WDR19: variants seen among roughly 807,000 people sequenced by gnomAD.
The protein encoded by WDR19 is WD repeat-containing protein 19.
A neutral mutation model predicts 180.0 loss-of-function variants in WDR19; 121 were observed. The observed-to-expected ratio is 0.67, with a 90% CI of 0.58 to 0.78. The LOEUF (loss-of-function observed/expected upper bound fraction) is 0.78, where lower values mean the gene tolerates loss of function less well. WDR19 is among the 30% of genes least tolerant of loss of function. The probability of loss-of-function intolerance (pLI) is 0.00; values close to 1 mark genes in which losing one functional copy is unlikely to be tolerated. For synonymous variants in WDR19, 497 were observed against 540.7 expected, an observed-to-expected ratio of 0.92 and a Z score of 1.12; for missense variants, 1,450 against 1,640.7, an observed-to-expected ratio of 0.88 and a Z score of 2.01.
Position 39,256,082 on chromosome 4 carries a change from A to G in WDR19, c.3114+122A>G, listed in dbSNP as rs1330481562. 3 of 686,852 alleles carry G rather than the reference A, an allele frequency of 4.4e-6. No individual in the cohort carries two copies. In the Admixed American group the frequency reaches 7.5e-5, roughly 17 times the overall value. The allele number at this position is 686,852 out of a possible 1,614,324, so 42.5% of individuals were successfully genotyped here. ...TGCCAGTAACTCCCACTCAGATTTG[A>G]AATCTCAGAGCTAACTCTGAAATAT... is the stretch of plus-strand genomic sequence containing the variant. On this transcript the variant is annotated intron_variant, in intron 27 of 36. Coordinates refer to ENST00000399820, the MANE Select transcript of WDR19 (RefSeq NM_025132.4).
chr4:39,187,344 C>T (rs1392512612), intron 3 of WDR19, among the ~76,000 whole-genome samples: 3 of 148,932 alleles, frequency 2.0e-5, no homozygotes, highest in South Asian at 2.1e-4. Flanking sequence ...CACTTGAACC[C>T]GGAAGGTGGA....
rs192788797 is a variant in WDR19 at position 39,216,277 on chromosome 4, G to A, written c.1249+67G>A. The stretch of plus-strand genomic sequence containing the variant: ...TTTCTGTTCTTATTTGGGAAGCACT[G>A]CAAGTTTCTTTTAGGACCAAGTCTT... On this transcript the variant is annotated intron_variant, in intron 12 of 36. Transcript: ENST00000399820. 52 of 1,308,418 alleles carry A rather than the reference G, an allele frequency of 4.0e-5. No individual in the cohort carries two copies. The East Asian group carries it at 1.4e-3, about 35-fold the overall frequency. The allele number at this position is 1,308,418 out of a possible 1,614,324, so 81.1% of individuals were successfully genotyped here.
At chr4:39,185,898 T>G (rs1384358713) in intron 2 of WDR19, 81 bp downstream of exon 2, 5 of 1,161,864 alleles carry the variant, frequency 4.3e-6, no homozygotes, top group Non-Finnish European at 5.8e-6. Context: ...TTTTTTTTGT[T>G]GTTGTTTTTT....
intron 26 of WDR19, among the ~76,000 whole-genome samples, chr4:39,255,567 G>A: frequency 6.6e-6 from 1 of 151,954 alleles, no homozygotes. Context: ...GTTTAAACCA[G>A]GCATTGCTGA....
chr4:39,218,010 G>A lies in WDR19; in HGVS notation c.1384G>A (p.Glu462Lys). 5.0e-6 allele frequency: 8 copies of A among 1,613,782 alleles called. No homozygotes were observed. Among genetic ancestry groups the A allele is most frequent in the Non-Finnish European group, 6.8e-6 (8 of 1,179,772 alleles). ...AGAAAGCGAAATCTTGGATGCTCAA[G>A]AAGAACGTGAGACTCGGCTTTTCCC... ...LIESEILDAQ[E>K]ERETRLFPAV... The change falls in exon 14 of 37, where the codon GAA (glutamate) becomes AAA (lysine). Residue 462 changes from glutamate (E) to lysine (K), a missense_variant. By Grantham distance (56) the Glu-to-Lys change is moderately conservative. Coordinates refer to ENST00000399820, the MANE Select transcript of WDR19 (RefSeq NM_025132.4).
At chr4:39,237,388 T>G (rs2109385491) in intron 20 of WDR19, among the ~76,000 whole-genome samples, 1 of 151,768 alleles carries the variant, frequency 6.6e-6, no homozygotes, top group Middle Eastern at 3.4e-3. Flanking sequence ...AATGAGAACT[T>G]GTCTCTACAA....
chr4:39,199,313 A>C (rs1409973437), intron 5 of WDR19, among the ~76,000 whole-genome samples, 165 bp from the exon 6 acceptor site: 1 of 152,240 alleles, frequency 6.6e-6, no homozygotes, highest in Non-Finnish European at 1.5e-5. Flanking sequence ...CCATTATTTT[A>C]TACCTTGGTA....
chr4:39,202,704 G>T (rs1727496421), intron 6 of WDR19, among the ~76,000 whole-genome samples: 1 of 149,870 alleles, frequency 6.7e-6, no homozygotes, highest in South Asian at 2.1e-4. Flanking sequence ...AAAAAAAACT[G>T]CCTGAACTTA....
At chr4:39,237,877 G>C (rs1442481070) in intron 20 of WDR19, 1 of 152,190 alleles carries the variant, frequency 6.6e-6, no homozygotes, top group Non-Finnish European at 1.5e-5. Flanking sequence ...AGACACCCCA[G>C]TAAGCCCTCG....
At chr4:39,244,166 T>G (rs2109405351) in intron 21 of WDR19, 82 bp from the exon 22 acceptor site, 1 of 1,461,810 alleles carries the variant, frequency 6.8e-7, no homozygotes, top group Non-Finnish European at 9.1e-7. Context: ...GGACTCATTT[T>G]AGAGTTAAAT....
chr4:39,240,397 T>TA, intron 21 of WDR19, 63 bp downstream of exon 21: 2 of 1,051,704 alleles, frequency 1.9e-6, no homozygotes, highest in Non-Finnish European at 2.6e-6. Flanking sequence ...GTTTCATTTT[T>TA]AAAAATCATG....
intron 3 of WDR19, among the ~76,000 whole-genome samples, chr4:39,188,094 G>C (rs1170139068): frequency 6.6e-6 from 1 of 151,864 alleles, no homozygotes; most frequent in South Asian, 2.1e-4. Context: ...GAGAAGAAAA[G>C]GTAAATATTT....
At chr4:39,214,540 A>G in intron 9 of WDR19, 61 bp from the exon 10 acceptor site, 5 of 1,028,736 alleles carry the variant, frequency 4.9e-6, no homozygotes, top group Non-Finnish European at 7.1e-6. Context: ...TTTTTTGTGA[A>G]TTAAAACAGT....
intron 24 of WDR19, among the ~76,000 whole-genome samples, chr4:39,250,765 A>T (rs1467693901): frequency 1.3e-5 from 2 of 152,098 alleles, no homozygotes; most frequent in Non-Finnish European, 2.9e-5. Flanking sequence ...CAGTTGCTTC[A>T]AAGAGAATAA....
In WDR19 at chr4:39,244,484, G is replaced by A. The variant is rs753596825; in HGVS notation, c.2577G>A (p.Ala859=). 5.5e-5 allele frequency: 88 copies of A among 1,613,744 alleles called. No homozygotes were observed. The highest frequency in any genetic ancestry group is 8.3e-5 in the Admixed American group (5 of 59,992). ...ILENMKQFSE[A]AQLYEKGLYY... ...TCTTATTTTAGCAATTTTCAGAAGC[G>A]GCCCAACTGTATGAAAAAGGTCTCT... Residue 859 remains alanine, a synonymous_variant, in exon 23 of 37, where the codon GCG becomes GCA. Coordinates refer to ENST00000399820, the MANE Select transcript of WDR19 (RefSeq NM_025132.4).
At chr4:39,183,647 T>C (rs1214499215) in intron 1 of WDR19, among the ~76,000 whole-genome samples, 1 of 152,186 alleles carries the variant, frequency 6.6e-6, no homozygotes, top group Non-Finnish European at 1.5e-5. Flanking sequence ...ATAACTCCCA[T>C]TTTTATTTCT....
Position 39,265,168 on chromosome 4 carries a change from C to T in WDR19, c.3184-895C>T, listed in dbSNP as rs945240762. 7.2e-5 allele frequency among the ~76,000 whole-genome samples: 11 copies of T among 152,064 alleles called. No homozygotes were observed. In the South Asian group the frequency reaches 1.2e-3, roughly 17 times the overall value. On this transcript the variant is annotated intron_variant, in intron 28 of 36. Transcript: ENST00000399820. Reference sequence around the variant, plus strand: ...TCCTGGCCTCAAGTGATCCACCCACCTCAGCCTCCCAAAGTGCTGGGATTA... The same window carrying T: ...TCCTGGCCTCAAGTGATCCACCCACTTCAGCCTCCCAAAGTGCTGGGATTA...
intron 30 of WDR19, 29 bp from the exon 31 acceptor site, chr4:39,269,947 G>T (rs746944278): frequency 1.2e-6 from 2 of 1,610,336 alleles, no homozygotes; most frequent in African/African-American, 2.7e-5. Context: ...ACCCTTTGCA[G>T]TAATGTCGTT....
chr4:39,245,054 A>G (rs187220601), intron 23 of WDR19, among the ~76,000 whole-genome samples: 11 of 150,506 alleles, frequency 7.3e-5, no homozygotes, highest in Non-Finnish European at 1.5e-4. Context: ...CTCCTGCCTC[A>G]GCCTCCTGAG....
Sources: allele counts gnomAD v4.1 joint callset (sites outside exome capture counted in the v4.1 genomes callset), GRCh38; gene constraint gnomAD v4.1.1; transcripts MANE v1.5; gene names NCBI Gene and HGNC (gene_info 2026-07-23, HGNC 2026-07-21).